The following ARHGEF10 variants were observed in gnomAD, a reference collection of about 807,000 sequenced individuals.
ARHGEF10 encodes the protein Rho guanine nucleotide exchange factor 10, also known as Rho guanine nucleotide exchange factor (GEF) 10.
Under a neutral mutation model 147.4 loss-of-function variants are expected in ARHGEF10, and 140 were observed. The observed-to-expected ratio is 0.95, with a 90% CI of 0.83 to 1.09. The LOEUF (loss-of-function observed/expected upper bound fraction) is 1.09, where lower values mean the gene tolerates loss of function less well. Among genes scored for constraint, ARHGEF10 ranks in the 50% least tolerant of loss-of-function variants. The pLI is 0.00. For synonymous variants in ARHGEF10, 902 were observed against 695.8 expected, an observed-to-expected ratio of 1.30 and a Z score of -4.67; for missense variants, 2,222 against 1,752.7, an observed-to-expected ratio of 1.27 and a Z score of -4.78.
chr8:1,956,919 T>C lies in ARHGEF10; in HGVS notation c.3691T>C (p.Ser1231Pro). The C allele has an allele frequency of 2.5e-6, 4 of 1,614,146 alleles. No homozygotes were observed. Among genetic ancestry groups the C allele is most frequent in the African/African-American group, 2.7e-5 (2 of 75,050 alleles). ...ACTTCCGAGTGGAGGAGCTGGTTCATCTCTGAGCCAGGGTGACCCTGACGC... is the reference window on the plus strand; with the variant it reads ...ACTTCCGAGTGGAGGAGCTGGTTCACCTCTGAGCCAGGGTGACCCTGACGC... ...DALPSGGAGS[S>P]LSQGDPDAAI... The change falls in exon 29 of 29, where the codon TCT (serine) becomes CCT (proline). Residue 1231 changes from serine to proline, a missense_variant. Coordinates refer to ENST00000349830, the MANE Select transcript of ARHGEF10 (RefSeq NM_014629.4).
intron 8 of ARHGEF10, 144 bp downstream of exon 8, chr8:1,876,878 G>A (rs1170966683): frequency 4.4e-6 from 4 of 914,142 alleles, no homozygotes; most frequent in Non-Finnish European, 7.1e-6. Flanking sequence ...TAAGATATTG[G>A]CAAAGGAGAA....
At chr8:1,844,162 C>G (rs7003708) in intron 2 of ARHGEF10, among the ~76,000 whole-genome samples, 101,051 of 151,974 alleles carry the variant, frequency 0.66, 33,965 homozygotes, top group Non-Finnish European at 0.71. Flanking sequence ...GTGGAGGTCA[C>G]GGAATTAACT....
chr8:1,921,939 GT>G (rs978988475), intron 18 of ARHGEF10, among the ~76,000 whole-genome samples: 2 of 152,064 alleles, frequency 1.3e-5, no homozygotes, highest in Non-Finnish European at 2.9e-5. Flanking sequence ...TCTCTTACTG[GT>G]TTTTTGACCT....
At chr8:1,915,900 G>T (rs1458626127) in intron 18 of ARHGEF10, among the ~76,000 whole-genome samples, 1 of 152,160 alleles carries the variant, frequency 6.6e-6, no homozygotes, top group East Asian at 1.9e-4. Context: ...CTTAGACGCC[G>T]ATGCATCCCT....
intron 1 of ARHGEF10, among the ~76,000 whole-genome samples, chr8:1,839,484 A>G (rs1269312792): frequency 2.4e-3 from 148 of 61,252 alleles, no homozygotes; most frequent in South Asian, 5.6e-3. Context: ...TCTGGTGTGG[A>G]AACTGTCTGG....
chr8:1,876,574 A>C lies in ARHGEF10; in HGVS notation c.683A>C (p.Glu228Ala). The change falls in exon 8 of 29, where the codon GAA (glutamate) becomes GCA (alanine). Residue 228 changes from glutamate (E) to alanine (A), a missense_variant. Glu to Ala is a moderately radical substitution (Grantham distance 107). Coordinates refer to ENST00000349830, the MANE Select transcript of ARHGEF10 (RefSeq NM_014629.4). ...PRENSDSEPDEMIYDDVENGD... is the reference protein window; with the variant it reads ...PRENSDSEPDAMIYDDVENGD... Reference sequence around the variant, plus strand: ...ATTTTGGAATTTATGCACTCAGATGAAATGATTTATGATGATGTTGAGAAT... The same window carrying C: ...ATTTTGGAATTTATGCACTCAGATGCAATGATTTATGATGATGTTGAGAAT... The C allele has an allele frequency of 6.2e-7, 1 of 1,614,176 alleles. No homozygotes were observed. The highest frequency in any genetic ancestry group is 8.5e-7 in the Non-Finnish European group (1 of 1,179,978).
At chr8:1,884,760 T>C (rs1473011427) in intron 10 of ARHGEF10, among the ~76,000 whole-genome samples, 7 of 152,108 alleles carry the variant, frequency 4.6e-5, no homozygotes, top group East Asian at 3.9e-4. Context: ...AAAAAATGAA[T>C]GTAGGCGTTT....
At chr8:1,878,257 T>C (rs983037268) in intron 8 of ARHGEF10, among the ~76,000 whole-genome samples, 5 of 152,110 alleles carry the variant, frequency 3.3e-5, no homozygotes, top group African/African-American at 1.2e-4. Context: ...TGGCGTGATC[T>C]CGGCTCACTG....
chr8:1,825,070 C>T (rs1337753202), intron 1 of ARHGEF10, among the ~76,000 whole-genome samples: 1 of 13,612 alleles, frequency 7.3e-5, no homozygotes, highest in Non-Finnish European at 1.5e-4. Context: ...CACCTGTCCC[C>T]CCGCACTCCA....
At position 1,843,342 on chromosome 8, in the gene ARHGEF10, C is replaced by G. The variant is rs907776323; in HGVS notation, c.-47-11C>G. On this transcript the variant is annotated splice_polypyrimidine_tract_variant and intron_variant, in intron 1 of 28. Coordinates refer to ENST00000349830, the MANE Select transcript of ARHGEF10 (RefSeq NM_014629.4). The stretch of plus-strand genomic sequence containing the variant: ...CTGAACGGTGACAAGCAGTGTCTCT[C>G]CTTCTTGCAGGAGCTCCTTCCCTTA... The G allele has an allele frequency of 3.7e-6, 6 of 1,608,898 alleles. No individual in the cohort carries two copies. The African/African-American group carries it at 6.7e-5, about 18-fold the overall frequency.
chr8:1,937,350 G>T lies in ARHGEF10; in HGVS notation c.3222+3408G>T. ...GTACCCCATCAGTACAGCCATCCTA[G>T]TAATTGCGTATTTACAGAGGGAGCT... On this transcript the variant is annotated intron_variant, in intron 26 of 28. Coordinates refer to ENST00000349830, the MANE Select transcript of ARHGEF10 (RefSeq NM_014629.4). The surrounding 1 kb of genome is among the most constrained non-coding windows in gnomAD (Gnocchi z 4.9). 6.6e-6 allele frequency among the ~76,000 whole-genome samples: 1 copy of T among 152,246 alleles called. No homozygotes were observed. The highest frequency in any genetic ancestry group is 1.9e-4 in the East Asian group (1 of 5,160).
chr8:1,933,902 G>T lies in ARHGEF10; in HGVS notation c.3182G>T (p.Gly1061Val). 1 of 1,614,188 alleles carries T rather than the reference G, an allele frequency of 6.2e-7. No homozygotes were observed. Among genetic ancestry groups the T allele is most frequent in the Non-Finnish European group, 8.5e-7 (1 of 1,180,040 alleles). Residue 1061 changes from glycine (G) to valine (V), a missense_variant, in exon 26 of 29, where the codon GGT becomes GTT. Physicochemically the swap from Gly to Val is moderately radical, Grantham distance 109. Coordinates refer to ENST00000349830, the MANE Select transcript of ARHGEF10 (RefSeq NM_014629.4). ...MEDTLWAASG[G>V]QVFIISVETH... is the part of the protein sequence containing the mutation. ...GACACGTTGTGGGCGGCTTCCGGAG[G>T]TCAAGTCTTCATCATCAGTGTGGAG... is the stretch of plus-strand genomic sequence containing the variant.
At position 1,893,620 on chromosome 8, in the gene ARHGEF10, G is replaced by C; in HGVS notation, c.1234G>C (p.Val412Leu). 6.2e-7 allele frequency: 1 copy of C among 1,613,308 alleles called. No homozygotes were observed. Among genetic ancestry groups the C allele is most frequent in the Non-Finnish European group, 8.5e-7 (1 of 1,179,370 alleles). The change falls in exon 12 of 29, where the codon GTA becomes CTA. Residue 412 changes from valine to leucine, a missense_variant. Transcript: ENST00000349830. ...AGTTGTCGACAGTGAAAAGAACTAC[G>C]TAGATGCTCTTAAGAGGATTTTGGA... The part of the protein sequence containing the change: ...GSVVDSEKNY[V>L]DALKRILEQY...
intron 18 of ARHGEF10, among the ~76,000 whole-genome samples, chr8:1,912,921 A>G (rs9942786): frequency 0.17 from 25,585 of 152,102 alleles, 2,432 homozygotes; most frequent in African/African-American, 0.24. Flanking sequence ...GGCCTGGTGC[A>G]GCGTCTTTGT....
At chr8:1,950,730 G>GTTTTTTTTTTTTTT (rs71211528) in intron 27 of ARHGEF10, among the ~76,000 whole-genome samples, 1 of 108,458 alleles carries the variant, frequency 9.2e-6, no homozygotes, top group African/African-American at 3.6e-5. Context: ...TGTTTTTTAG[G>GTTTTTTTTTTTTTT]TTTTTTTTTT....
rs189767745 is a variant in ARHGEF10 at position 1,921,148 on chromosome 8, T to G, written c.2144-1816T>G. 1.5e-4 allele frequency among the ~76,000 whole-genome samples: 23 copies of G among 152,308 alleles called. No individual in the cohort carries two copies. In the South Asian group the frequency reaches 1.9e-3, roughly 12 times the overall value. Reference sequence around the variant, plus strand: ...CAGTTAGTAATTGCATTTGTCTAGATAGTTGATACAAATCAGGCTTACCAT... The same window carrying G: ...CAGTTAGTAATTGCATTTGTCTAGAGAGTTGATACAAATCAGGCTTACCAT... On this transcript the variant is annotated intron_variant, in intron 18 of 28. Coordinates refer to ENST00000349830, the MANE Select transcript of ARHGEF10 (RefSeq NM_014629.4).
chr8:1,888,179 G>GGGGCGA (rs1808904871), intron 11 of ARHGEF10, among the ~76,000 whole-genome samples: 2 of 66,484 alleles, frequency 3.0e-5, no homozygotes, highest in East Asian at 2.5e-4. Context: ...GACAGTGAGT[G>GGGGCGA]GGGTGAGGGT....
chr8:1,902,103 A>G (rs1005228999), intron 15 of ARHGEF10, among the ~76,000 whole-genome samples: 3 of 152,032 alleles, frequency 2.0e-5, no homozygotes, highest in African/African-American at 4.8e-5. Flanking sequence ...TCTAGGTTTT[A>G]AGCCCCGCGT....
chr8:1,858,143 A>AGTTTCCAGGAGGGTCCCCAGGTGG, intron 3 of ARHGEF10, 28 bp downstream of exon 3: 3 of 1,521,376 alleles, frequency 2.0e-6, no homozygotes, highest in East Asian at 2.3e-5. Context: ...TCCCCAGGTG[A>AGTTTCCAGGAGGGTCCCCAGGTGG]GTCCCCAGGT....
Sources: allele counts gnomAD v4.1 joint callset (sites outside exome capture counted in the v4.1 genomes callset), GRCh38; gene constraint gnomAD v4.1.1; non-coding constraint Gnocchi (gnomAD v3.1); transcripts MANE v1.5; gene names NCBI Gene and HGNC (gene_info 2026-07-23, HGNC 2026-07-21).